The following CCND3 variants were observed in gnomAD, a reference collection of about 807,000 sequenced individuals.
CCND3 encodes the protein cyclin D3, also known as G1/S-specific cyclin-D3.
A neutral mutation model predicts 28.7 loss-of-function variants in CCND3; 9 were observed. The observed-to-expected ratio is 0.31, with a 90% CI of 0.19 to 0.55. CCND3 has a LOEUF of 0.55. CCND3 is among the 20% of genes least tolerant of loss of function. The pLI, the probability that CCND3 is intolerant of heterozygous loss-of-function variation, is 0.93. For synonymous variants in CCND3, 164 were observed against 163.9 expected (o/e 1.00, Z 0.00); for missense variants, 315 against 385.8 (o/e 0.82, Z 1.54).
At chr6:41,940,306 C>A in intron 2 of CCND3, 64 bp downstream of exon 2, 1 of 1,438,894 alleles carries the variant, frequency 6.9e-7, no homozygotes. Context: ...ATATCTCAAG[C>A]TTTCCTTTTC....
At chr6:42,049,221 G>C (rs1764651824), upstream of CCND3, among the ~76,000 whole-genome samples, 1 of 152,052 alleles carries the variant, frequency 6.6e-6, no homozygotes, top group Non-Finnish European at 1.5e-5. Context: ...ATTTTTAGTA[G>C]ACACGGGGTT....
chr6:41,950,921 G>A (rs910062636), intron 1 of CCND3, among the ~76,000 whole-genome samples: 1 of 151,920 alleles, frequency 6.6e-6, no homozygotes, highest in African/African-American at 2.4e-5. Context: ...TGTTAGCCAG[G>A]ATGGTCTTGA....
chr6:42,001,165 G>A (rs937330439), intron 1 of CCND3, among the ~76,000 whole-genome samples: 5 of 145,058 alleles, frequency 3.4e-5, no homozygotes, highest in Non-Finnish European at 6.0e-5. Flanking sequence ...AACCTAGGAG[G>A]TGGAGGTTGC....
rs146639346 is a variant in CCND3 at position 42,011,992 on chromosome 6, G to C, written c.-46+36509C>G. Among the ~76,000 whole-genome samples, 919 of 152,264 alleles carry C rather than the reference G, an allele frequency of 6.0e-3. 5 individuals carry two copies. Among genetic ancestry groups the C allele is most frequent in the African/African-American group, 0.021 (858 of 41,550 alleles). Reference sequence around the variant, plus strand: ...GGAGCATGATGGGCTCTGTCAAACAGGGTTACAGGCATTGAGCCACTATGC... The same window carrying C: ...GGAGCATGATGGGCTCTGTCAAACACGGTTACAGGCATTGAGCCACTATGC... On this transcript the variant is annotated intron_variant, in intron 1 of 4. Transcript: ENST00000372988.
intron 1 of CCND3, among the ~76,000 whole-genome samples, chr6:42,017,025 CT>C (rs1454055314): frequency 6.6e-6 from 1 of 152,196 alleles, no homozygotes; most frequent in East Asian, 1.9e-4. Flanking sequence ...GGAGTGACGT[CT>C]GAAGGGGCCT....
At chr6:42,001,234 C>CCAA (rs1763001161) in intron 1 of CCND3, among the ~76,000 whole-genome samples, 1 of 74,022 alleles carries the variant, frequency 1.4e-5, no homozygotes, top group African/African-American at 5.6e-5. Context: ...GACCCCATCT[C>CCAA]AAAAAAAAAA....
In CCND3 at chr6:41,940,382, G is replaced by C. The variant is rs1256017414; in HGVS notation, c.402C>G (p.Pro134=). The change falls in exon 2 of 5, where the codon CCC becomes CCG. Residue 134 remains proline (P), a synonymous_variant. Transcript: ENST00000372991. ...LCIYTDHAVS[P]RQLRDWEVLV... Reference sequence around the variant, plus strand: ...GTTACACACGCACCCGCAACTGGCGGGGAGAGACAGCGTGGTCGGTGTAGA... The same window carrying C: ...GTTACACACGCACCCGCAACTGGCGCGGAGAGACAGCGTGGTCGGTGTAGA... 1 of 1,614,066 alleles carries C rather than the reference G, an allele frequency of 6.2e-7. No homozygotes were observed. Among genetic ancestry groups the C allele is most frequent in the Non-Finnish European group, 8.5e-7 (1 of 1,179,950 alleles).
chr6:42,035,449 G>A (rs1385159587), intron 1 of CCND3, among the ~76,000 whole-genome samples: 2 of 148,884 alleles, frequency 1.3e-5, no homozygotes, highest in Non-Finnish European at 3.0e-5. Flanking sequence ...CTCACTGCAA[G>A]CTCTGCCTCC....
rs1775911552 is a variant in CCND3, at chr6:41,939,233, CGGG to C, written c.414+1134_414+1136del. Among the ~76,000 whole-genome samples the C allele has an allele frequency of 6.6e-6, 1 of 152,090 alleles. No homozygotes were observed. Among genetic ancestry groups the C allele is most frequent in the African/African-American group, 2.4e-5 (1 of 41,418 alleles). ...ATCCTGTTCCTCGACTCACAGCAGT[CGGG>C]GGCCCCAGTACCCTGGCTTCCCTGC... On this transcript the variant is annotated intron_variant, in intron 2 of 4. Transcript: ENST00000372991. The surrounding 1 kb of genome is among the most constrained non-coding windows in gnomAD (Gnocchi z 4.2).
intron 1 of CCND3, among the ~76,000 whole-genome samples, chr6:42,012,904 C>T (rs1763382035): frequency 6.6e-6 from 1 of 152,108 alleles, no homozygotes; most frequent in Non-Finnish European, 1.5e-5. Context: ...GGGAAAGTCA[C>T]CCCCTCTCAC....
intron 1 of CCND3, among the ~76,000 whole-genome samples, chr6:42,046,209 G>A (rs1038831103): frequency 6.6e-6 from 1 of 152,152 alleles, no homozygotes; most frequent in Non-Finnish European, 1.5e-5. Context: ...AAATTTAAAA[G>A]CGTTTCAGAA....
intron 1 of CCND3, among the ~76,000 whole-genome samples, chr6:42,042,298 C>A (rs1764390013): frequency 6.6e-6 from 1 of 152,028 alleles, no homozygotes; most frequent in East Asian, 1.9e-4. Context: ...TATGGCCTGC[C>A]CACCACTCAG....
chr6:42,003,162 C>CA (rs55721061), intron 1 of CCND3, among the ~76,000 whole-genome samples: 1,480 of 110,328 alleles, frequency 0.013, 42 homozygotes, highest in African/African-American at 0.044. Flanking sequence ...AACAGCGTGT[C>CA]AAAAAAAAAA....
chr6:42,034,666 G>C (rs1301689260), intron 1 of CCND3, among the ~76,000 whole-genome samples: 1 of 150,846 alleles, frequency 6.6e-6, no homozygotes, highest in Non-Finnish European at 1.5e-5. Flanking sequence ...TTTTAGTAGA[G>C]ATGGGGTTTC....
Position 41,936,490 on chromosome 6 carries a change from T to TAG in CCND3, c.711+68_711+69insCT. 2 of 1,564,270 alleles carry TAG rather than the reference T, an allele frequency of 1.3e-6. No individual in the cohort carries two copies. Among genetic ancestry groups the TAG allele is most frequent in the Admixed American group, 3.5e-5 (2 of 56,620 alleles). On this transcript the variant is annotated intron_variant, in intron 4 of 4. Transcript: ENST00000372991. The surrounding 1 kb of genome is among the most constrained non-coding windows in gnomAD (Gnocchi z 4.4). ...CAGGTTGGGGTTGGAGGTTTCCCTC[T>TAG]ACTGGAGGCTCAGGGCATAGCACTA...
At position 41,938,909 on chromosome 6, in the gene CCND3, G is replaced by A. The variant is rs188625055; in HGVS notation, c.414+1461C>T. Among the ~76,000 whole-genome samples the A allele has an allele frequency of 1.3e-3, 191 of 152,202 alleles. 1 individual carries two copies. Among genetic ancestry groups the A allele is most frequent in the African/African-American group, 4.3e-3 (180 of 41,512 alleles). On this transcript the variant is annotated intron_variant, in intron 2 of 4. Coordinates refer to ENST00000372991, the MANE Select transcript of CCND3 (RefSeq NM_001760.5). This position sits in a 1 kb window ranked among gnomAD's most constrained non-coding sequence, Gnocchi z 4.6. ...GTCCCTTCCAACCTTGACCTTCTAG[G>A]AAGTCTTTTGGGCACTCCACCCCCA...
chr6:42,035,739 G>A (rs992198064), intron 1 of CCND3, among the ~76,000 whole-genome samples: 3 of 134,190 alleles, frequency 2.2e-5, no homozygotes, highest in Non-Finnish European at 3.2e-5. Context: ...GTACAGTAGC[G>A]CGATCTCGGC....
chr6:41,951,576 A>ACACAC (rs1491199819), intron 1 of CCND3, among the ~76,000 whole-genome samples: 1 of 100,580 alleles, frequency 9.9e-6, no homozygotes, highest in African/African-American at 3.3e-5. Flanking sequence ...ACACACACAC[A>ACACAC]AAAAAAAAGA....
At chr6:41,974,775 G>A (rs1288417811) in intron 1 of CCND3, among the ~76,000 whole-genome samples, 1 of 147,610 alleles carries the variant, frequency 6.8e-6, no homozygotes, top group Non-Finnish European at 1.5e-5. Flanking sequence ...AAGCCTAACT[G>A]TCAATTCCCC....
Sources: gnomAD v4.1 joint callset for allele counts (sites outside exome capture counted in the v4.1 genomes callset) on GRCh38, gnomAD v4.1.1 for gene constraint, Gnocchi (gnomAD v3.1) non-coding constraint, MANE v1.5 for transcripts, NCBI Gene and HGNC (gene_info 2026-07-23, HGNC 2026-07-21) for gene names.